Variants in RNF150 observed in about 807,000 individuals in gnomAD.
RNF150 encodes the protein ring finger protein 150.
In RNF150, 24 loss-of-function variants were observed where a neutral mutation model predicts 39.3. That is an observed-to-expected ratio of 0.61 (90% CI 0.44 to 0.86). RNF150 has a LOEUF of 0.86. RNF150 is among the 40% of genes least tolerant of loss of function. The probability of loss-of-function intolerance (pLI) is 0.00; values close to 1 mark genes in which losing one functional copy is unlikely to be tolerated. For missense variants in RNF150, 502 were observed against 587.8 expected (o/e 0.85, Z 1.51); for synonymous variants, 255 against 227.3 (o/e 1.12, Z -1.10).
At chr4:141,027,915 TTTTTTTTTTTG>T (rs1735770381) in intron 1 of RNF150, among the ~76,000 whole-genome samples, 2 of 56,418 alleles carry the variant, frequency 3.5e-5, no homozygotes, top group African/African-American at 6.3e-5. Context: ...GGAATTTGTT[TTTTTTTTTTTG>T]TTTTTTTTTT....
chr4:141,132,788 T>C lies in RNF150; in HGVS notation c.21A>G (p.Gln7=), dbSNP rs780204111. The C allele has an allele frequency of 9.9e-6, 16 of 1,608,804 alleles. No individual in the cohort carries two copies. Among genetic ancestry groups the C allele is most frequent in the South Asian group, 1.1e-5 (1 of 90,994 alleles). ...TTGAGAGAGCCAGACTGCAGCACGCTTGGATGAGAGACATTGCCATCTTTA... is the reference window on the plus strand; with the variant it reads ...TTGAGAGAGCCAGACTGCAGCACGCCTGGATGAGAGACATTGCCATCTTTA... MAMSLI[Q]ACCSLALSTW... The change falls in exon 1 of 7, where the codon CAA becomes CAG. Residue 7 remains glutamine (Q), a synonymous_variant. Coordinates refer to ENST00000515673, the MANE Select transcript of RNF150 (RefSeq NM_020724.2). This position sits in a 1 kb window ranked among gnomAD's most constrained non-coding sequence, Gnocchi z 4.9.
At chr4:140,888,338 C>T (rs1193146176) in intron 6 of RNF150, among the ~76,000 whole-genome samples, 1 of 152,122 alleles carries the variant, frequency 6.6e-6, no homozygotes, top group Non-Finnish European at 1.5e-5. Context: ...CTGAAATTCA[C>T]CTAGGACTGG....
At chr4:141,021,955 C>A (rs369690652) in intron 1 of RNF150, among the ~76,000 whole-genome samples, 1 of 152,176 alleles carries the variant, frequency 6.6e-6, no homozygotes, top group African/African-American at 2.4e-5. Flanking sequence ...AGCTTGCTTG[C>A]CCCTGCAACC....
chr4:141,164,699 C>G (rs1727570714), intron 1 of RNF150, among the ~76,000 whole-genome samples: 1 of 152,094 alleles, frequency 6.6e-6, no homozygotes, highest in African/African-American at 2.4e-5. Flanking sequence ...CATGTCCAAC[C>G]AAATTAAGCT....
intron 1 of RNF150, among the ~76,000 whole-genome samples, chr4:140,971,210 G>C (rs2111432943): frequency 6.6e-6 from 1 of 152,164 alleles, no homozygotes; most frequent in Non-Finnish European, 1.5e-5. Flanking sequence ...GAAGCCAGCA[G>C]GTTCTCCCAA....
intron 2 of RNF150, among the ~76,000 whole-genome samples, chr4:140,951,988 T>C (rs977382365): frequency 3.9e-5 from 6 of 152,122 alleles, no homozygotes; most frequent in Admixed American, 3.9e-4. Flanking sequence ...ACAATGGTCA[T>C]AGATTATACT....
At chr4:141,140,980 G>A (rs1727109639) in intron 1 of RNF150, among the ~76,000 whole-genome samples, 1 of 152,178 alleles carries the variant, frequency 6.6e-6, no homozygotes, top group Non-Finnish European at 1.5e-5. Flanking sequence ...ACTGCAGCAT[G>A]ACTAATCACT....
At chr4:141,089,885 T>C (rs914202174) in intron 1 of RNF150, among the ~76,000 whole-genome samples, 27 of 152,224 alleles carry the variant, frequency 1.8e-4, no homozygotes, top group African/African-American at 5.8e-4. Context: ...CTCAGGCCTA[T>C]TGTCATGCTT....
chr4:141,128,379 AAGT>A (rs1363655435), intron 1 of RNF150, among the ~76,000 whole-genome samples: 1 of 152,226 alleles, frequency 6.6e-6, no homozygotes. Context: ...CACAGTGAGA[AAGT>A]AGTGCCACCA....
At chr4:140,972,948 C>T (rs745511738) in intron 1 of RNF150, among the ~76,000 whole-genome samples, 1 of 152,114 alleles carries the variant, frequency 6.6e-6, no homozygotes, top group Non-Finnish European at 1.5e-5. Flanking sequence ...AGAAGTTATA[C>T]TTGGTGCAAG....
intron 1 of RNF150, among the ~76,000 whole-genome samples, chr4:141,105,306 T>A (rs1047684960): frequency 6.6e-6 from 1 of 152,198 alleles, no homozygotes; most frequent in Non-Finnish European, 1.5e-5. Flanking sequence ...TAGGGGCCAA[T>A]GTGATAACTG....
chr4:141,155,231 A>G (rs1038031219), intron 1 of RNF150, among the ~76,000 whole-genome samples: 8 of 149,758 alleles, frequency 5.3e-5, no homozygotes, highest in African/African-American at 2.0e-4. Context: ...AACTACAGGC[A>G]TGCACCACCA....
chr4:141,116,734 C>A (rs1171640444), intron 1 of RNF150, among the ~76,000 whole-genome samples: 1 of 152,164 alleles, frequency 6.6e-6, no homozygotes, highest in Non-Finnish European at 1.5e-5. Flanking sequence ...AGACTTGGAA[C>A]CAACCCACAT....
At chr4:140,910,849 T>C (rs1448215072) in intron 6 of RNF150, among the ~76,000 whole-genome samples, 1 of 152,162 alleles carries the variant, frequency 6.6e-6, no homozygotes, top group Non-Finnish European at 1.5e-5. Context: ...CATGACCCTA[T>C]GTGCCTCAGG....
intron 4 of RNF150, among the ~76,000 whole-genome samples, chr4:140,936,274 A>G (rs1221576285): frequency 1.3e-5 from 2 of 152,150 alleles, no homozygotes; most frequent in Admixed American, 1.3e-4. Context: ...TAATATATGC[A>G]TTCATTTCTC....
intron 1 of RNF150, among the ~76,000 whole-genome samples, chr4:141,030,397 C>T (rs1232249245): frequency 6.6e-6 from 1 of 151,966 alleles, no homozygotes; most frequent in African/African-American, 2.4e-5. Flanking sequence ...TTTGACAGTT[C>T]CCAAGAGGTT....
At chr4:140,976,592 G>A (rs28532687) in intron 1 of RNF150, among the ~76,000 whole-genome samples, 6,713 of 151,836 alleles carry the variant, frequency 0.044, 368 homozygotes, top group African/African-American at 0.13. Context: ...TCATTTTCCA[G>A]TGCCACTTCC....
At chr4:141,107,030 G>T (rs1873370) in intron 1 of RNF150, among the ~76,000 whole-genome samples, 115,868 of 151,942 alleles carry the variant, frequency 0.76, 45,400 homozygotes, top group East Asian at 0.88. Flanking sequence ...AAGATTCTAA[G>T]GCCAATGTCC....
At chr4:141,078,590 G>A (rs1737999203) in intron 1 of RNF150, among the ~76,000 whole-genome samples, 1 of 151,186 alleles carries the variant, frequency 6.6e-6, no homozygotes, top group Non-Finnish European at 1.5e-5. Flanking sequence ...GACCATCCTG[G>A]CCAACATGGT....
Sources: allele counts gnomAD v4.1 joint callset (sites outside exome capture counted in the v4.1 genomes callset), GRCh38; gene constraint gnomAD v4.1.1; non-coding constraint Gnocchi (gnomAD v3.1); transcripts MANE v1.5; gene names NCBI Gene and HGNC (gene_info 2026-07-23, HGNC 2026-07-21).